The following MYO9A variants were observed in gnomAD, a reference collection of about 807,000 sequenced individuals.
MYO9A encodes the protein myosin IXA.
Under a neutral mutation model 293.3 loss-of-function variants are expected in MYO9A, and 103 were observed. That is an observed-to-expected ratio of 0.35 (90% CI 0.30 to 0.41). The LOEUF (loss-of-function observed/expected upper bound fraction) is 0.41, where lower values mean the gene tolerates loss of function less well. Ranked by LOEUF, MYO9A falls within the 10% of genes least tolerant of loss-of-function variation. The pLI, the probability that MYO9A is intolerant of heterozygous loss-of-function variation, is 1.00. For missense variants in MYO9A, 2,685 were observed against 3,033.0 expected (o/e 0.89, Z 2.69); for synonymous variants, 1,001 against 1,035.7 (o/e 0.97, Z 0.64).
chr15:72,077,053 C>A (rs558221585), intron 1 of MYO9A, among the ~76,000 whole-genome samples: 1 of 152,080 alleles, frequency 6.6e-6, no homozygotes, highest in East Asian at 1.9e-4. Flanking sequence ...CAACACAGAC[C>A]TTACACGTTT....
intron 23 of MYO9A, among the ~76,000 whole-genome samples, chr15:71,900,555 T>C (rs1050447109): frequency 2.0e-5 from 3 of 152,218 alleles, no homozygotes; most frequent in Non-Finnish European, 4.4e-5. Context: ...TTTTAAATAA[T>C]ATAACCTTGA....
At chr15:72,014,541 C>T (rs1455548409) in intron 6 of MYO9A, among the ~76,000 whole-genome samples, 1 of 152,126 alleles carries the variant, frequency 6.6e-6, no homozygotes, top group South Asian at 2.1e-4. Flanking sequence ...CAAAAATTAG[C>T]CAGGCGTGGT....
intron 15 of MYO9A, among the ~76,000 whole-genome samples, chr15:71,941,925 C>A (rs1227577740): frequency 1.3e-5 from 2 of 152,016 alleles, no homozygotes; most frequent in African/African-American, 4.8e-5. Context: ...AGTAACTCCA[C>A]TCATAAGTAT....
At chr15:71,954,493 G>A (rs1426361773) in intron 14 of MYO9A, among the ~76,000 whole-genome samples, 2 of 152,156 alleles carry the variant, frequency 1.3e-5, no homozygotes, top group Non-Finnish European at 2.9e-5. Context: ...GTAAGCCACC[G>A]CACCCAGCCT....
intron 39 of MYO9A, among the ~76,000 whole-genome samples, chr15:71,839,399 G>GT (rs928767972): frequency 2.4e-3 from 360 of 149,458 alleles, no homozygotes; most frequent in African/African-American, 8.1e-3. Flanking sequence ...TGTGAATCAG[G>GT]TTTTTTTTTT....
At chr15:72,112,350 C>T (rs34694253) in intron 1 of MYO9A, among the ~76,000 whole-genome samples, 2,048 of 152,282 alleles carry the variant, frequency 0.013, 21 homozygotes, top group East Asian at 0.025. Context: ...TGCCAAAATA[C>T]GCCAGCAACA....
In MYO9A at chr15:71,960,105, A is replaced by G; in HGVS notation, c.1987-9T>C. ...TTTTTTTCCCGGAAATCCTATATGA[A>G]AAAAGTACCAGTGTTACTTATGGGA... On this transcript the variant is annotated splice_polypyrimidine_tract_variant and intron_variant, in intron 13 of 41. Transcript: ENST00000356056. 2 of 1,613,190 alleles carry G rather than the reference A, an allele frequency of 1.2e-6. No homozygotes were observed. The highest frequency in any genetic ancestry group is 1.7e-6 in the Non-Finnish European group (2 of 1,179,492).
intron 1 of MYO9A, among the ~76,000 whole-genome samples, chr15:72,057,690 A>G (rs2078760900): frequency 6.6e-6 from 1 of 152,240 alleles, no homozygotes; most frequent in Non-Finnish European, 1.5e-5. Flanking sequence ...GCTAAGCTAG[A>G]AAGATCTAAA....
Position 71,824,943 on chromosome 15 carries a change from G to GACTT in MYO9A, c.*1633_*1636dup, listed in dbSNP as rs1215410039. On this transcript the variant is annotated 3_prime_UTR_variant, in exon 42 of 42. Coordinates refer to ENST00000356056, the MANE Select transcript of MYO9A (RefSeq NM_006901.4). Reference sequence around the variant, plus strand: ...AGAGAGAGACTCTGCCTTAACAAAAGACTTAATATTTCCACAACTTCAAAG... The same window carrying GACTT: ...AGAGAGAGACTCTGCCTTAACAAAAGACTTACTTAATATTTCCACAACTTCAAAG... The GACTT allele has an allele frequency of 2.0e-5, 3 of 151,876 alleles. No individual in the cohort carries two copies. The highest frequency in any genetic ancestry group is 7.3e-5 in the African/African-American group (3 of 41,372). The allele number at this position is 151,876 out of a possible 1,614,324, so 9.4% of individuals were successfully genotyped here.
intron 1 of MYO9A, among the ~76,000 whole-genome samples, chr15:72,093,590 T>C (rs1244463320): frequency 6.6e-6 from 1 of 150,594 alleles, no homozygotes; most frequent in Non-Finnish European, 1.5e-5. Flanking sequence ...GGAACTGAAA[T>C]TAAAAATCAA....
chr15:71,949,910 T>C (rs1000226088), intron 15 of MYO9A, among the ~76,000 whole-genome samples: 12 of 152,122 alleles, frequency 7.9e-5, no homozygotes, highest in Admixed American at 3.3e-4. Context: ...TATAAAAAGC[T>C]ACAAATTCAC....
chr15:72,023,231 C>CA (rs1428970077), intron 4 of MYO9A, among the ~76,000 whole-genome samples: 1 of 152,106 alleles, frequency 6.6e-6, no homozygotes, highest in Non-Finnish European at 1.5e-5. Flanking sequence ...AAAAAATCAA[C>CA]AAACATGAAG....
chr15:71,863,116 T>C (rs903022678), intron 32 of MYO9A, among the ~76,000 whole-genome samples: 4 of 151,900 alleles, frequency 2.6e-5, no homozygotes, highest in Non-Finnish European at 5.9e-5. Context: ...TTTTTTTTAC[T>C]AGTGACAGTG....
intron 7 of MYO9A, among the ~76,000 whole-genome samples, chr15:72,008,576 C>T (rs1289903578): frequency 6.6e-6 from 1 of 151,652 alleles, no homozygotes; most frequent in Non-Finnish European, 1.5e-5. Flanking sequence ...CATATGGACC[C>T]TCCGTTATAA....
At position 71,847,244 on chromosome 15, in the gene MYO9A, GA is replaced by G. The variant is rs763609495; in HGVS notation, c.6837+1600del. ...GAGGAAGGAAAATGAAGGATCTAAA[GA>G]AAGAGATTAAGAGAAAAGCAAGTGA... On this transcript the variant is annotated intron_variant, in intron 39 of 41. Transcript: ENST00000356056. 3.4e-4 allele frequency among the ~76,000 whole-genome samples: 52 copies of G among 152,258 alleles called. 1 individual carries two copies. The East Asian group carries it at 5.0e-3, about 15-fold the overall frequency.
chr15:71,898,315 G>A lies in MYO9A; in HGVS notation c.4188C>T (p.Val1396=), dbSNP rs2057390098. Residue 1396 remains valine (V), a synonymous_variant, in exon 25 of 42, where the codon GTC becomes GTT. Coordinates refer to ENST00000356056, the MANE Select transcript of MYO9A (RefSeq NM_006901.4). Reference sequence around the variant, plus strand: ...TACAGGTAATAGACTCAGAACTGCAGACCACCATTTCCTTCATAGTTCCAT... The same window carrying A: ...TACAGGTAATAGACTCAGAACTGCAAACCACCATTTCCTTCATAGTTCCAT... ...LKDGTMKEMV[V]CSSESITCKP... 1 of 1,613,846 alleles carries A rather than the reference G, an allele frequency of 6.2e-7. No individual in the cohort carries two copies. The highest frequency in any genetic ancestry group is 1.7e-5 in the Admixed American group (1 of 59,986).
At chr15:72,066,484 C>CA (rs369900151) in intron 1 of MYO9A, among the ~76,000 whole-genome samples, 26,585 of 88,322 alleles carry the variant, frequency 0.3, 2,817 homozygotes, top group East Asian at 0.39. Context: ...GACTTGGTCT[C>CA]AAAAAAAAAA....
intron 12 of MYO9A, chr15:71,972,342 A>G (rs749765917): frequency 1.4e-4 from 21 of 151,974 alleles, no homozygotes; most frequent in Non-Finnish European, 2.6e-4. Flanking sequence ...ATCCTTTATA[A>G]TATACTGGGG....
intron 1 of MYO9A, among the ~76,000 whole-genome samples, chr15:72,082,070 T>C (rs536437084): frequency 6.6e-6 from 1 of 152,256 alleles, no homozygotes; most frequent in African/African-American, 2.4e-5. Context: ...CTATGAAGAA[T>C]GTCATTGGTA....
Sources: gnomAD v4.1 joint callset for allele counts (sites outside exome capture counted in the v4.1 genomes callset) on GRCh38, gnomAD v4.1.1 for gene constraint, MANE v1.5 for transcripts, NCBI Gene and HGNC (gene_info 2026-07-23, HGNC 2026-07-21) for gene names.